The following IGSF21 variants were observed in gnomAD, a reference collection of about 807,000 sequenced individuals.
IGSF21 encodes the protein immunoglobin superfamily member 21.
IGSF21 carries 28 observed loss-of-function variants against 46.8 expected under a neutral mutation model. The ratio of observed to expected loss-of-function variants is 0.60; its 90% CI spans 0.44 to 0.82. The LOEUF is 0.82. Ranked by LOEUF, IGSF21 falls within the 40% of genes least tolerant of loss-of-function variation. The probability of loss-of-function intolerance (pLI) is 0.00; values close to 1 mark genes in which losing one functional copy is unlikely to be tolerated. For missense variants in IGSF21, 624 were observed against 665.5 expected, an observed-to-expected ratio of 0.94 and a Z score of 0.69; for synonymous variants, 284 against 273.6, an observed-to-expected ratio of 1.04 and a Z score of -0.38.
intron 4 of IGSF21, among the ~76,000 whole-genome samples, chr1:18,354,744 C>T (rs1013642293): frequency 6.6e-6 from 1 of 152,086 alleles, no homozygotes; most frequent in Non-Finnish European, 1.5e-5. Context: ...TTCCCTTCCT[C>T]GAGACAATGG....
chr1:18,116,431 T>C (rs2086190988), intron 1 of IGSF21, among the ~76,000 whole-genome samples: 1 of 152,264 alleles, frequency 6.6e-6, no homozygotes. Context: ...TGAGTCATAG[T>C]TTCCCTGTCT....
At chr1:18,264,913 C>T (rs1361904405) in intron 2 of IGSF21, among the ~76,000 whole-genome samples, 1 of 152,166 alleles carries the variant, frequency 6.6e-6, no homozygotes, top group East Asian at 1.9e-4. Flanking sequence ...ATATTCAAGC[C>T]AGCTTAGGCT....
chr1:18,277,704 A>G (rs764204484), intron 2 of IGSF21, among the ~76,000 whole-genome samples: 1 of 152,258 alleles, frequency 6.6e-6, no homozygotes, highest in Non-Finnish European at 1.5e-5. Flanking sequence ...ATTAAAAGGA[A>G]TAAACCATGG....
intron 4 of IGSF21, among the ~76,000 whole-genome samples, chr1:18,351,642 C>A (rs2085956645): frequency 6.6e-6 from 1 of 152,174 alleles, no homozygotes; most frequent in South Asian, 2.1e-4. Flanking sequence ...ACCTGCCTCC[C>A]CAAGCTTCCG....
intron 1 of IGSF21, among the ~76,000 whole-genome samples, chr1:18,199,743 G>A (rs547707611): frequency 1.3e-5 from 2 of 151,914 alleles, no homozygotes; most frequent in African/African-American, 4.8e-5. Context: ...TTATTTAATC[G>A]CTTCCATTGT....
At chr1:18,146,230 A>G (rs914774360) in intron 1 of IGSF21, among the ~76,000 whole-genome samples, 7 of 152,150 alleles carry the variant, frequency 4.6e-5, no homozygotes, top group African/African-American at 1.7e-4. Context: ...CAAAGGACAG[A>G]TCTCTTGCTA....
At chr1:18,353,052 TA>T (rs1166785158) in intron 4 of IGSF21, among the ~76,000 whole-genome samples, 2 of 152,072 alleles carry the variant, frequency 1.3e-5, no homozygotes, top group African/African-American at 4.8e-5. Context: ...AGCTGCCACA[TA>T]AAAGGGCCCA....
chr1:18,174,876 C>T (rs1265357402), intron 1 of IGSF21, among the ~76,000 whole-genome samples: 2 of 152,230 alleles, frequency 1.3e-5, no homozygotes, highest in Non-Finnish European at 2.9e-5. Context: ...CTCAGGTCTG[C>T]TTCTGGGAAG....
At chr1:18,214,884 G>C (rs562212873) in intron 1 of IGSF21, among the ~76,000 whole-genome samples, 1 of 152,312 alleles carries the variant, frequency 6.6e-6, no homozygotes, top group Non-Finnish European at 1.5e-5. Flanking sequence ...TGGGACTACA[G>C]GTGCACGCCA....
At chr1:18,271,291 A>G (rs555158895) in intron 2 of IGSF21, among the ~76,000 whole-genome samples, 175 of 152,222 alleles carry the variant, frequency 1.1e-3, no homozygotes, top group African/African-American at 4.1e-3. Flanking sequence ...ACTTCAACCC[A>G]TTAATGCTGC....
intron 3 of IGSF21, among the ~76,000 whole-genome samples, chr1:18,331,273 C>G (rs950974413): frequency 6.6e-6 from 1 of 152,084 alleles, no homozygotes; most frequent in South Asian, 2.1e-4. Flanking sequence ...CACCTTTTCC[C>G]CCAAATTCCC....
At chr1:18,357,018 T>A (rs1190534941) in intron 4 of IGSF21, among the ~76,000 whole-genome samples, 1 of 149,820 alleles carries the variant, frequency 6.7e-6, no homozygotes, top group African/African-American at 2.5e-5. Flanking sequence ...GGGATAGAAA[T>A]AGGAATGGAG....
chr1:18,271,979 T>C (rs1378236035), intron 2 of IGSF21, among the ~76,000 whole-genome samples: 1 of 152,178 alleles, frequency 6.6e-6, no homozygotes, highest in Admixed American at 6.5e-5. Context: ...TATTAGTCCA[T>C]TTTCATGCTG....
intron 3 of IGSF21, among the ~76,000 whole-genome samples, chr1:18,305,264 G>A (rs1443870925): frequency 6.6e-6 from 1 of 151,830 alleles, no homozygotes; most frequent in Admixed American, 6.6e-5. Flanking sequence ...ATGGATGGTG[G>A]ATGGGTGGAT....
intron 4 of IGSF21, among the ~76,000 whole-genome samples, chr1:18,336,877 A>T (rs2085773214): frequency 6.6e-6 from 1 of 152,200 alleles, no homozygotes; most frequent in South Asian, 2.1e-4. Context: ...TGAAAGACAC[A>T]TCTCACATGG....
At chr1:18,332,658 C>G (rs571812155) in intron 3 of IGSF21, among the ~76,000 whole-genome samples, 4 of 152,336 alleles carry the variant, frequency 2.6e-5, no homozygotes, top group Non-Finnish European at 1.5e-5. Context: ...TCACTGCGCT[C>G]TTTATTCTGA....
chr1:18,325,477 G>A (rs1432016444), intron 3 of IGSF21, among the ~76,000 whole-genome samples: 1 of 152,128 alleles, frequency 6.6e-6, no homozygotes, highest in Non-Finnish European at 1.5e-5. Flanking sequence ...GCGGTACCTG[G>A]TGGCTGGTTA....
chr1:18,303,981 G>A (rs2124578145), intron 3 of IGSF21, among the ~76,000 whole-genome samples: 1 of 152,300 alleles, frequency 6.6e-6, no homozygotes, highest in East Asian at 1.9e-4. Flanking sequence ...CTCGGTTTGA[G>A]TTTTACACTG....
At chr1:18,138,388 G>A (rs1030521012) in intron 1 of IGSF21, among the ~76,000 whole-genome samples, 1 of 152,132 alleles carries the variant, frequency 6.6e-6, no homozygotes, top group Non-Finnish European at 1.5e-5. Context: ...CTTCTTTGGG[G>A]TCTAGCACGG....
Sources: gnomAD v4.1 joint callset for allele counts (sites outside exome capture counted in the v4.1 genomes callset) on GRCh38, gnomAD v4.1.1 for gene constraint, MANE v1.5 for transcripts, NCBI Gene and HGNC (gene_info 2026-07-23, HGNC 2026-07-21) for gene names.